BMERB1: variants seen among roughly 807,000 people sequenced by gnomAD.
BMERB1 encodes bMERB domain containing 1.
BMERB1 carries 12 observed loss-of-function variants against 23.6 expected under a neutral mutation model. The observed-to-expected ratio is 0.51, with a 90% confidence interval of 0.33 to 0.82. BMERB1 has a LOEUF of 0.82. BMERB1 is among the 40% of genes least tolerant of loss of function. The probability of loss-of-function intolerance (pLI) is 0.03; values close to 1 mark genes in which losing one functional copy is unlikely to be tolerated. For synonymous variants in BMERB1, 122 were observed against 96.6 expected (o/e 1.26, Z -1.54); for missense variants, 247 against 255.4 (o/e 0.97, Z 0.22).
chr16:15,582,133 G>A (rs1216878680), intron 4 of BMERB1, among the ~76,000 whole-genome samples: 3 of 152,188 alleles, frequency 2.0e-5, no homozygotes, highest in Admixed American at 6.5e-5. Flanking sequence ...TACAGTGGCT[G>A]ACGCCTGTAA....
intron 1 of BMERB1, among the ~76,000 whole-genome samples, chr16:15,512,157 G>A (rs186507623): frequency 3.6e-4 from 55 of 152,214 alleles, no homozygotes; most frequent in African/African-American, 1.1e-3. Flanking sequence ...TTGGTGGAGG[G>A]GAAGCAGATA....
At chr16:15,554,663 C>CTTTTTTTTTTTT (rs55937169) in intron 2 of BMERB1, among the ~76,000 whole-genome samples, 1 of 144,556 alleles carries the variant, frequency 6.9e-6, no homozygotes, top group African/African-American at 2.6e-5. Flanking sequence ...ACCAAGTATT[C>CTTTTTTTTTTTT]TTTTTTTTTT....
At chr16:15,481,938 C>T (rs1394945796) in intron 1 of BMERB1, among the ~76,000 whole-genome samples, 1 of 151,684 alleles carries the variant, frequency 6.6e-6, no homozygotes, top group Non-Finnish European at 1.5e-5. Context: ...ACTACGTTGA[C>T]TAGCCTGGTC....
At chr16:15,514,175 G>A (rs761560433) in intron 1 of BMERB1, among the ~76,000 whole-genome samples, 2 of 151,950 alleles carry the variant, frequency 1.3e-5, no homozygotes, top group African/African-American at 2.4e-5. Flanking sequence ...AGACTGAGGC[G>A]GAAGGGTCCC....
In BMERB1 at chr16:15,463,143, A is replaced by G. The variant is rs141459123; in HGVS notation, c.106+28384A>G. ...GCCCAGGCAGGAGTGCAGTGGTGCGACCATGGCTCCCTGCAGCTTTGAACT... is the reference window on the plus strand; with the variant it reads ...GCCCAGGCAGGAGTGCAGTGGTGCGGCCATGGCTCCCTGCAGCTTTGAACT... On this transcript the variant is annotated intron_variant, in intron 1 of 5. Transcript: ENST00000300006. 3.3e-3 allele frequency among the ~76,000 whole-genome samples: 499 copies of G among 151,496 alleles called. 4 individuals carry two copies. Among genetic ancestry groups the G allele is most frequent in the Non-Finnish European group, 5.5e-3 (372 of 67,960 alleles).
intron 2 of BMERB1, among the ~76,000 whole-genome samples, chr16:15,532,394 G>C (rs1191016823): frequency 6.6e-6 from 1 of 151,764 alleles, no homozygotes. Context: ...ACTGCTCCCA[G>C]CTAATTTGTA....
intron 1 of BMERB1, among the ~76,000 whole-genome samples, chr16:15,453,600 G>A (rs1171459124): frequency 6.6e-6 from 1 of 152,034 alleles, no homozygotes; most frequent in African/African-American, 2.4e-5. Context: ...CCGGCTGGGC[G>A]AGGTGGCTCA....
chr16:15,499,481 G>A (rs1275632540), intron 1 of BMERB1, among the ~76,000 whole-genome samples: 1 of 151,944 alleles, frequency 6.6e-6, no homozygotes, highest in Non-Finnish European at 1.5e-5. Context: ...CTTTGTACTT[G>A]GACCTCTTAG....
rs565111288 is a variant in BMERB1 at position 15,490,432 on chromosome 16, G to T, written c.107-24873G>T. 5.9e-4 allele frequency among the ~76,000 whole-genome samples: 90 copies of T among 152,238 alleles called. 1 individual carries two copies. The highest frequency in any genetic ancestry group is 1.6e-3 in the Admixed American group (25 of 15,282). ...TGAGTAGCTGGGACCACTGGCATAT[G>T]CCACCACACCTAGCTAATTTTTCAA... On this transcript the variant is annotated intron_variant, in intron 1 of 5. Coordinates refer to ENST00000300006, the MANE Select transcript of BMERB1 (RefSeq NM_033201.3).
In BMERB1 at chr16:15,482,779, A is replaced by G. The variant is rs549278528; in HGVS notation, c.107-32526A>G. On this transcript the variant is annotated intron_variant, in intron 1 of 5. Coordinates refer to ENST00000300006, the MANE Select transcript of BMERB1 (RefSeq NM_033201.3). ...CTGTGTTCTTAGTTATAAAATTAAT[A>G]CATGTACATAATAATTGTTGTAGTT... 9.8e-5 allele frequency among the ~76,000 whole-genome samples: 15 copies of G among 152,334 alleles called. No homozygotes were observed. In the East Asian group the frequency reaches 2.7e-3, roughly 27 times the overall value.
chr16:15,485,624 G>A (rs1364392170), intron 1 of BMERB1, among the ~76,000 whole-genome samples: 1 of 151,534 alleles, frequency 6.6e-6, no homozygotes, highest in Non-Finnish European at 1.5e-5. Flanking sequence ...CTATTTCCCC[G>A]AGCACCATCC....
At chr16:15,475,751 C>G (rs1382222282) in intron 1 of BMERB1, among the ~76,000 whole-genome samples, 2 of 152,176 alleles carry the variant, frequency 1.3e-5, no homozygotes, top group Non-Finnish European at 2.9e-5. Flanking sequence ...CCATGCTACC[C>G]CAGCAGGGGA....
At chr16:15,539,257 A>G (rs577864665) in intron 2 of BMERB1, among the ~76,000 whole-genome samples, 156 of 152,196 alleles carry the variant, frequency 1.0e-3, no homozygotes, top group African/African-American at 3.5e-3. Flanking sequence ...ACAGTTCACA[A>G]TAGGGTTTGC....
At chr16:15,515,842 G>T (rs1389653759) in intron 2 of BMERB1, among the ~76,000 whole-genome samples, 1 of 152,114 alleles carries the variant, frequency 6.6e-6, no homozygotes, top group African/African-American at 2.4e-5. Context: ...TTTCTAAAAT[G>T]GGGAAAAATA....
At chr16:15,536,660 A>C (rs2052027906) in intron 2 of BMERB1, 1 of 152,244 alleles carries the variant, frequency 6.6e-6, no homozygotes, top group South Asian at 2.1e-4. Flanking sequence ...TCCGCGTCTC[A>C]GCCTTGACTG....
chr16:15,527,797 A>G (rs1026943834), intron 2 of BMERB1, among the ~76,000 whole-genome samples: 1 of 152,112 alleles, frequency 6.6e-6, no homozygotes, highest in Non-Finnish European at 1.5e-5. Context: ...ATCTAGTCCC[A>G]ATACCCACCA....
In BMERB1 at chr16:15,505,883, G is replaced by C. The variant is rs553041475; in HGVS notation, c.107-9422G>C. 2.0e-4 allele frequency among the ~76,000 whole-genome samples: 27 copies of C among 134,450 alleles called. No homozygotes were observed. The East Asian group carries it at 5.3e-3, about 26-fold the overall frequency. 88.2% of individuals were successfully genotyped at this position (134,450 alleles called of 152,430 possible). ...AGCCTGGGTGACAGAGCGAGACGCC[G>C]TTTCAAAAAAAAAAAAAAAAAAGTG... On this transcript the variant is annotated intron_variant, in intron 1 of 5. Transcript: ENST00000300006.
Position 15,474,749 on chromosome 16 carries a change from T to C in BMERB1, c.106+39990T>C, listed in dbSNP as rs1481597794. 3.3e-5 allele frequency among the ~76,000 whole-genome samples: 5 copies of C among 151,870 alleles called. No homozygotes were observed. In the East Asian group the frequency reaches 7.7e-4, roughly 24 times the overall value. The stretch of plus-strand genomic sequence containing the variant: ...TATTGCCCAGGCTGGAGTGCAATGG[T>C]ATGATCTCAGCTCACTGCAACCTCT... On this transcript the variant is annotated intron_variant, in intron 1 of 5. Coordinates refer to ENST00000300006, the MANE Select transcript of BMERB1 (RefSeq NM_033201.3).
At chr16:15,557,992 C>T (rs867714096) in intron 2 of BMERB1, among the ~76,000 whole-genome samples, 5 of 151,892 alleles carry the variant, frequency 3.3e-5, no homozygotes, top group East Asian at 1.9e-4. Context: ...TGCAGTGAGC[C>T]GAGATCATGC....
Sources: allele counts gnomAD v4.1 joint callset (sites outside exome capture counted in the v4.1 genomes callset), GRCh38; gene constraint gnomAD v4.1.1; transcripts MANE v1.5; gene names NCBI Gene and HGNC (gene_info 2026-07-23, HGNC 2026-07-21).